Variants in NCOR2 observed in about 807,000 individuals in gnomAD.
The protein encoded by NCOR2 is nuclear receptor corepressor 2, also known as CTG repeat protein 26.
NCOR2 carries 81 observed loss-of-function variants against 262.9 expected under a neutral mutation model. The ratio of observed to expected loss-of-function variants is 0.31; its 90% confidence interval spans 0.26 to 0.37. The LOEUF (loss-of-function observed/expected upper bound fraction) is 0.37. Ranked by LOEUF, NCOR2 falls within the 10% of genes least tolerant of loss-of-function variation. The pLI, the probability that NCOR2 is intolerant of heterozygous loss-of-function variation, is 1.00. For missense variants in NCOR2, 3,385 were observed against 3,621.4 expected (o/e 0.93, Z 1.68); for synonymous variants, 1,659 against 1,559.3 (o/e 1.06, Z -1.51).
intron 1 of NCOR2, among the ~76,000 whole-genome samples, chr12:124,502,816 G>A (rs906582984): frequency 7.2e-5 from 11 of 152,300 alleles, no homozygotes; most frequent in African/African-American, 2.6e-4. Context: ...GGAGCACTGG[G>A]CACAGGTGTC....
chr12:124,513,382 T>A (rs1332557511), intron 1 of NCOR2: 1 of 152,208 alleles, frequency 6.6e-6, no homozygotes, highest in Non-Finnish European at 1.5e-5. Flanking sequence ...TGCTCTGGGC[T>A]AAATGAGGCG....
At chr12:124,334,016 G>A (rs1442802383) in intron 41 of NCOR2, among the ~76,000 whole-genome samples, 2 of 152,150 alleles carry the variant, frequency 1.3e-5, no homozygotes, top group Admixed American at 1.3e-4. Context: ...ATGTGTGTGG[G>A]TGTGCATGTG....
At chr12:124,325,966 C>T (rs961792555) in intron 46 of NCOR2, among the ~76,000 whole-genome samples, 4 of 152,162 alleles carry the variant, frequency 2.6e-5, no homozygotes, top group South Asian at 4.1e-4. Context: ...GTGATCTGGC[C>T]GGCCCCAACC....
At chr12:124,466,713 C>G (rs1056282872) in intron 4 of NCOR2, among the ~76,000 whole-genome samples, 1 of 152,042 alleles carries the variant, frequency 6.6e-6, no homozygotes, top group Non-Finnish European at 1.5e-5. Context: ...CAGGCAGCAT[C>G]AGTGCTAGGA....
At chr12:124,355,093 A>C (rs996828022) in intron 24 of NCOR2, 154 bp from the exon 27 acceptor site, 2 of 667,214 alleles carry the variant, frequency 3.0e-6, no homozygotes, top group Non-Finnish European at 5.0e-6. Context: ...TGCTACTCCC[A>C]AGCCTCGGCC....
In NCOR2 at chr12:124,556,850, CAA is replaced by C. The variant is rs11309290; in HGVS notation, c.-165+10456_-165+10457del. 1.1e-3 allele frequency among the ~76,000 whole-genome samples: 140 copies of C among 128,848 alleles called. 1 individual carries two copies. The highest frequency in any genetic ancestry group is 1.7e-3 in the African/African-American group (61 of 36,634). 84.5% of individuals were successfully genotyped at this position (128,848 alleles called of 152,430 possible). A position where few individuals can be genotyped will look rare whatever the true frequency, so the allele number is the denominator to read the frequency against. ...GGCAACAGAGCAAGACTCTTTGTCT[CAA>C]AAAAAAAAAAAAAATCCGAGAAAAA... On this transcript the variant is annotated intron_variant, in intron 1 of 32. Transcript: ENST00000458234.
At chr12:124,381,797 G>A (rs1202803807) in intron 17 of NCOR2, among the ~76,000 whole-genome samples, 4 of 152,246 alleles carry the variant, frequency 2.6e-5, no homozygotes, top group Admixed American at 1.3e-4. Context: ...ACTGAGGAAC[G>A]TGGAAGCCGA....
At chr12:124,535,018 G>A (rs796883938) in intron 1 of NCOR2, among the ~76,000 whole-genome samples, 8 of 152,382 alleles carry the variant, frequency 5.2e-5, no homozygotes, top group African/African-American at 1.9e-4. Flanking sequence ...TGGAGAAACA[G>A]AGATACAGAG....
intron 1 of NCOR2, among the ~76,000 whole-genome samples, chr12:124,521,248 G>T (rs1478253312): frequency 2.6e-5 from 4 of 152,218 alleles, no homozygotes; most frequent in Non-Finnish European, 1.5e-5. Flanking sequence ...GCACAGATAC[G>T]AGTGGAGCAG....
Position 124,336,615 on chromosome 12 carries a change from G to C in NCOR2, c.6115+138C>G, listed in dbSNP as rs183393519. ...AAATATCTTTGGACCACGAGACGGG[G>C]TGGGTGCGGGCCGGAAGTCTTACCA... On this transcript the variant is annotated intron_variant, in intron 38 of 46. Coordinates refer to ENST00000405201, the Ensembl canonical transcript of NCOR2. 1.6e-3 allele frequency: 2,426 copies of C among 1,475,142 alleles called. 3 individuals are homozygous for C. The highest frequency in any genetic ancestry group is 2.0e-3 in the Non-Finnish European group (2,213 of 1,116,140). The allele number at this position is 1,475,142 out of a possible 1,614,324, so 91.4% of individuals were successfully genotyped here.
intron 3 of NCOR2, among the ~76,000 whole-genome samples, chr12:124,474,473 C>A (rs1370542850): frequency 6.6e-6 from 1 of 152,148 alleles, no homozygotes; most frequent in African/African-American, 2.4e-5. Context: ...TCCATGGACG[C>A]CTTCATCCCA....
intron 15 of NCOR2, among the ~76,000 whole-genome samples, chr12:124,399,371 C>A (rs1215382773): frequency 1.4e-4 from 21 of 152,104 alleles, no homozygotes; most frequent in Admixed American, 1.4e-3. Context: ...GCGGCTGAGC[C>A]CCCAGCATCA....
chr12:124,470,081 G>A (rs757274104), intron 4 of NCOR2, among the ~76,000 whole-genome samples: 3 of 151,378 alleles, frequency 2.0e-5, no homozygotes, highest in Non-Finnish European at 4.4e-5. Flanking sequence ...TAGAAGGATC[G>A]CTTGAGCCCA....
chr12:124,557,125 T>A (rs2051909122), intron 1 of NCOR2, among the ~76,000 whole-genome samples: 1 of 151,946 alleles, frequency 6.6e-6, no homozygotes, highest in Non-Finnish European at 1.5e-5. Flanking sequence ...CTGCCCTGGG[T>A]TTTCCTGCCC....
intron 15 of NCOR2, 119 bp from the exon 18 acceptor site, chr12:124,398,300 C>G: frequency 9.4e-7 from 1 of 1,062,376 alleles, no homozygotes; most frequent in Non-Finnish European, 1.4e-6. Context: ...TGTCACCGCA[C>G]GGCTCTGAAC....
intron 2 of NCOR2, among the ~76,000 whole-genome samples, chr12:124,484,724 G>A (rs906217363): frequency 3.3e-5 from 5 of 152,108 alleles, no homozygotes; most frequent in Non-Finnish European, 7.4e-5. Flanking sequence ...CCTTGTCCCA[G>A]GCCAGACCAC....
In NCOR2 at chr12:124,424,312, G is replaced by A. The variant is rs192887668; in HGVS notation, c.1329-1757C>T. ...TCAGTAATTCTTAACACCCGTGACC[G>A]TCCCACCATCACCTCCCTCGTTCAA... On this transcript the variant is annotated intron_variant, in intron 11 of 46. Transcript: ENST00000405201. Among the ~76,000 whole-genome samples, 46 of 152,194 alleles carry A rather than the reference G, an allele frequency of 3.0e-4. No individual in the cohort carries two copies. The South Asian group carries it at 4.8e-3, about 16-fold the overall frequency.
chr12:124,375,340 T>C (rs1327067923), intron 18 of NCOR2, among the ~76,000 whole-genome samples: 1 of 152,178 alleles, frequency 6.6e-6, no homozygotes, highest in Non-Finnish European at 1.5e-5. Context: ...AGTTAACTTC[T>C]CGGTCTCACA....
chr12:124,381,172 C>G (rs1193225486), intron 17 of NCOR2, among the ~76,000 whole-genome samples: 1 of 152,064 alleles, frequency 6.6e-6, no homozygotes. Flanking sequence ...AAGCTGCTCT[C>G]CCCTCTCCCC....
Sources: allele counts gnomAD v4.1 joint callset (sites outside exome capture counted in the v4.1 genomes callset), GRCh38; gene constraint gnomAD v4.1.1; transcripts MANE v1.5; gene names NCBI Gene and HGNC (gene_info 2026-07-23, HGNC 2026-07-21).